The following PRIM2 variants were observed in gnomAD, a reference collection of about 807,000 sequenced individuals.
PRIM2 encodes the protein DNA primase large subunit.
In PRIM2, 39 loss-of-function variants were observed where a neutral mutation model predicts 67.3. The observed-to-expected ratio is 0.58, with a 90% CI of 0.45 to 0.76. The LOEUF (loss-of-function observed/expected upper bound fraction) is 0.76. PRIM2 is among the 30% of genes least tolerant of loss of function. The pLI, the probability that PRIM2 is intolerant of heterozygous loss-of-function variation, is 0.00. For synonymous variants in PRIM2, 143 were observed against 198.7 expected, an observed-to-expected ratio of 0.72 and a Z score of 2.36; for missense variants, 398 against 598.7, an observed-to-expected ratio of 0.66 and a Z score of 3.50.
At chr6:57,278,505 C>A in the PRIM2 span, among the ~76,000 whole-genome samples, 3 of 152,152 alleles carry the variant, frequency 2.0e-5, no homozygotes, top group African/African-American at 7.2e-5. Flanking sequence ...ACACACTATT[C>A]TGTTGAAAAT....
At position 57,492,329 on chromosome 6, in the gene PRIM2, G is replaced by A. The variant is rs1162039549; in HGVS notation, c.694-15058G>A. Among the ~76,000 whole-genome samples, 63 of 152,246 alleles carry A rather than the reference G, an allele frequency of 4.1e-4. 1 individual carries two copies. The highest frequency in any genetic ancestry group is 1.1e-3 in the African/African-American group (46 of 41,546). ...AGGCCGAGGCGGGCAGATCACCTGAGGTCAGGAGTTTGAGACCAGCCTGGC... is the reference window on the plus strand; with the variant it reads ...AGGCCGAGGCGGGCAGATCACCTGAAGTCAGGAGTTTGAGACCAGCCTGGC... On this transcript the variant is annotated intron_variant, in intron 7 of 13. Coordinates refer to ENST00000615550, the MANE Select transcript of PRIM2 (RefSeq NM_000947.5).
At chr6:57,290,166 TG>T in the PRIM2 span, among the ~76,000 whole-genome samples, 1 of 150,302 alleles carries the variant, frequency 6.7e-6, no homozygotes, top group East Asian at 1.9e-4. Context: ...TCTTAGTCTC[TG>T]ATAAAACAGA....
At chr6:57,241,765 C>T in the PRIM2 span, among the ~76,000 whole-genome samples, 7 of 148,844 alleles carry the variant, frequency 4.7e-5, no homozygotes, top group East Asian at 2.0e-4. Flanking sequence ...CTCTGCCTCC[C>T]GGGTTCACGC....
intron 5 of PRIM2, among the ~76,000 whole-genome samples, chr6:57,351,404 G>T (rs1486920362): frequency 6.6e-6 from 1 of 152,110 alleles, no homozygotes; most frequent in Non-Finnish European, 1.5e-5. Flanking sequence ...TATTGCCAGT[G>T]TTCAGGTTAA....
intron 7 of PRIM2, among the ~76,000 whole-genome samples, chr6:57,474,819 C>A (rs1773436016): frequency 6.6e-6 from 1 of 152,156 alleles, no homozygotes; most frequent in Admixed American, 6.5e-5. Context: ...TTGCCAGACA[C>A]CAGAGCCAAG....
intron 10 of PRIM2, among the ~76,000 whole-genome samples, chr6:57,587,939 G>A (rs1776223333): frequency 6.6e-6 from 1 of 152,190 alleles, no homozygotes; most frequent in African/African-American, 2.4e-5. Flanking sequence ...GCTAGTCCTT[G>A]TGGTTTTAAA....
At chr6:57,554,483 A>G (rs1212971948) in intron 10 of PRIM2, among the ~76,000 whole-genome samples, 2 of 151,410 alleles carry the variant, frequency 1.3e-5, no homozygotes, top group Middle Eastern at 3.2e-3. Flanking sequence ...TCTGTTGATA[A>G]GAGCTCTAGA....
At chr6:57,350,286 C>T (rs549501311) in intron 5 of PRIM2, among the ~76,000 whole-genome samples, 2 of 152,158 alleles carry the variant, frequency 1.3e-5, no homozygotes, top group South Asian at 4.1e-4. Context: ...GTATAGAATC[C>T]TAGAAATCAT....
chr6:57,316,900 C>T (rs1486458258), upstream of PRIM2, among the ~76,000 whole-genome samples: 1 of 152,232 alleles, frequency 6.6e-6, no homozygotes, highest in African/African-American at 2.4e-5. Context: ...AGAGCGATTC[C>T]TGCGAATGTG....
In PRIM2 at chr6:57,380,655, T is replaced by C. The variant is rs9367737; in HGVS notation, c.555+659T>C. ...TTTGAAAAGAATGTGCTAATTATTATGAGTGAGTGCCAGTAGTTTAAAGTC... is the reference window on the plus strand; with the variant it reads ...TTTGAAAAGAATGTGCTAATTATTACGAGTGAGTGCCAGTAGTTTAAAGTC... On this transcript the variant is annotated intron_variant, in intron 6 of 13. Coordinates refer to ENST00000615550, the MANE Select transcript of PRIM2 (RefSeq NM_000947.5). 7.6e-3 allele frequency among the ~76,000 whole-genome samples: 1,099 copies of C among 145,310 alleles called. 8 individuals are homozygous for C. The highest frequency in any genetic ancestry group is 0.013 in the African/African-American group (519 of 40,142).
intron 7 of PRIM2, among the ~76,000 whole-genome samples, chr6:57,461,741 C>T (rs1773009621): frequency 1.3e-5 from 2 of 152,102 alleles, no homozygotes; most frequent in Non-Finnish European, 2.9e-5. Flanking sequence ...TACTTCTTCC[C>T]AGAATCGAAT....
At chr6:57,364,354 A>G (rs564108231) in intron 5 of PRIM2, among the ~76,000 whole-genome samples, 2 of 152,118 alleles carry the variant, frequency 1.3e-5, no homozygotes, top group Admixed American at 1.3e-4. Flanking sequence ...CTCTCCTCTG[A>G]GAGGTACTGT....
the PRIM2 span, among the ~76,000 whole-genome samples, chr6:57,285,869 G>A: frequency 6.6e-6 from 1 of 152,138 alleles, no homozygotes; most frequent in Non-Finnish European, 1.5e-5. Flanking sequence ...CATCGTCTCA[G>A]CCCAAAAACT....
At chr6:57,396,295 A>T (rs1770512764) in intron 7 of PRIM2, among the ~76,000 whole-genome samples, 1 of 152,012 alleles carries the variant, frequency 6.6e-6, no homozygotes, top group African/African-American at 2.4e-5. Flanking sequence ...CTCATTTCTT[A>T]TGTCTATTAG....
At chr6:57,564,034 T>C (rs1325334756) in intron 10 of PRIM2, among the ~76,000 whole-genome samples, 1 of 152,188 alleles carries the variant, frequency 6.6e-6, no homozygotes, top group Admixed American at 6.5e-5. Flanking sequence ...AGTGGCAAAA[T>C]AAAAGATACT....
In PRIM2 at chr6:57,573,190, A is replaced by G. The variant is rs1291007976; in HGVS notation, c.1021-27903A>G. On this transcript the variant is annotated intron_variant, in intron 10 of 13. Coordinates refer to ENST00000615550, the MANE Select transcript of PRIM2 (RefSeq NM_000947.5). The stretch of plus-strand genomic sequence containing the variant: ...GTCTTGGGGATTATTATTATTCAAC[A>G]AATTACTCTTTAAGCTGCACATCAA... Among the ~76,000 whole-genome samples, 78 of 152,366 alleles carry G rather than the reference A, an allele frequency of 5.1e-4. 1 individual carries two copies. The highest frequency in any genetic ancestry group is 1.7e-3 in the African/African-American group (72 of 41,590).
At chr6:57,614,354 C>T (rs1486399823) in intron 12 of PRIM2, among the ~76,000 whole-genome samples, 18 of 152,102 alleles carry the variant, frequency 1.2e-4, no homozygotes, top group Non-Finnish European at 2.4e-4. Context: ...AGGTTGGAGA[C>T]CATTGTGTTA....
the PRIM2 span, among the ~76,000 whole-genome samples, chr6:57,269,545 A>G: frequency 6.6e-6 from 1 of 152,014 alleles, no homozygotes; most frequent in Non-Finnish European, 1.5e-5. Context: ...TGGTCAGATG[A>G]GTAGATTGCA....
intron 7 of PRIM2, among the ~76,000 whole-genome samples, chr6:57,425,417 A>G (rs1299825632): frequency 6.6e-6 from 1 of 152,048 alleles, no homozygotes; most frequent in Non-Finnish European, 1.5e-5. Context: ...GGGTTTCACC[A>G]TGTTGGCCAG....
Sources: gnomAD v4.1 joint callset for allele counts (sites outside exome capture counted in the v4.1 genomes callset) on GRCh38, gnomAD v4.1.1 for gene constraint, MANE v1.5 for transcripts, NCBI Gene and HGNC (gene_info 2026-07-23, HGNC 2026-07-21) for gene names.